Variants in TNFRSF10A observed in about 807,000 individuals in gnomAD.
The protein encoded by TNFRSF10A is TNF receptor superfamily member 10a, also known as tumor necrosis factor receptor superfamily member 10A.
In TNFRSF10A, 44 loss-of-function variants were observed where a neutral mutation model predicts 42.8. The observed-to-expected ratio is 1.03, with a 90% CI of 0.81 to 1.32. The LOEUF is 1.32. Among genes scored for constraint, TNFRSF10A ranks in the 40% most tolerant of loss-of-function variants. The pLI is 0.00. For missense variants in TNFRSF10A, 680 were observed against 602.0 expected, an observed-to-expected ratio of 1.13 and a Z score of -1.36; for synonymous variants, 259 against 234.2, an observed-to-expected ratio of 1.11 and a Z score of -0.97.
intron 1 of TNFRSF10A, among the ~76,000 whole-genome samples, chr8:23,220,548 G>A (rs1032575240): frequency 4.6e-5 from 7 of 152,194 alleles, no homozygotes; most frequent in Non-Finnish European, 1.0e-4. Context: ...ATCTGCAGCG[G>A]CCCTTTATAA....
At chr8:23,202,578 A>T in intron 3 of TNFRSF10A, 70 bp downstream of exon 3, 1 of 1,275,388 alleles carries the variant, frequency 7.8e-7, no homozygotes, top group Non-Finnish European at 1.1e-6. Context: ...TCCCTGACTC[A>T]CATTGGCTAC....
At chr8:23,207,383 G>A in intron 2 of TNFRSF10A, 2 of 560,672 alleles carry the variant, frequency 3.6e-6, no homozygotes, top group Non-Finnish European at 6.9e-6. Flanking sequence ...GAATCCAGCT[G>A]GCTAATTCTA....
Position 23,212,105 on chromosome 8 carries a change from T to C in TNFRSF10A, c.403+11A>G, listed in dbSNP as rs1563383720. The C allele has an allele frequency of 1.9e-6, 3 of 1,610,466 alleles. No homozygotes were observed. The East Asian group carries it at 6.7e-5, about 36-fold the overall frequency. ...AGGTGTAAAGGATTAGAGATCAGTC[T>C]TAGAATGTACCTGGTGGACACAACT... is the stretch of plus-strand genomic sequence containing the variant. On this transcript the variant is annotated intron_variant, in intron 2 of 9. Coordinates refer to ENST00000221132, the MANE Select transcript of TNFRSF10A (RefSeq NM_003844.4).
intron 1 of TNFRSF10A, among the ~76,000 whole-genome samples, chr8:23,218,726 G>A (rs1801217718): frequency 6.6e-6 from 1 of 152,156 alleles, no homozygotes; most frequent in African/African-American, 2.4e-5. Flanking sequence ...AAGGTCAGCA[G>A]AACCCAGTGA....
At position 23,218,508 on chromosome 8, in the gene TNFRSF10A, T is replaced by C. The variant is rs539564810; in HGVS notation, c.306+6248A>G. ...TTTTTATTTCTTTGTTCTTTTGGTA[T>C]AAAAAGACCCCTGGGTTAAGAAGCA... On this transcript the variant is annotated intron_variant, in intron 1 of 9. Transcript: ENST00000221132. Among the ~76,000 whole-genome samples the C allele has an allele frequency of 2.0e-3, 312 of 152,256 alleles. 3 individuals carry two copies. Among genetic ancestry groups the C allele is most frequent in the African/African-American group, 7.2e-3 (300 of 41,534 alleles).
At chr8:23,212,307 T>A (rs553728597) in intron 1 of TNFRSF10A, 95 bp from the exon 2 acceptor site, 2 of 1,048,042 alleles carry the variant, frequency 1.9e-6, no homozygotes, top group Admixed American at 3.6e-5. Flanking sequence ...CCTCCAAAAT[T>A]AGACAGAACT....
At chr8:23,215,033 T>A (rs533669381) in intron 1 of TNFRSF10A, among the ~76,000 whole-genome samples, 6 of 152,278 alleles carry the variant, frequency 3.9e-5, no homozygotes, top group Non-Finnish European at 8.8e-5. Context: ...TGTCTGATAT[T>A]GAGGATTGTA....
At chr8:23,199,212 C>CATGGCCTTCACCCCA in intron 8 of TNFRSF10A, 54 bp downstream of exon 8, 1 of 1,580,682 alleles carries the variant, frequency 6.3e-7, no homozygotes, top group Non-Finnish European at 8.6e-7. Context: ...AGAGCCGAGG[C>CATGGCCTTCACCCCA]ATGGCCTTCA....
rs775104824 is a variant in TNFRSF10A at position 23,191,646 on chromosome 8, G to A, written c.*48C>T. On this transcript the variant is annotated 3_prime_UTR_variant, in exon 10 of 10. Coordinates refer to ENST00000221132, the MANE Select transcript of TNFRSF10A (RefSeq NM_003844.4). The stretch of plus-strand genomic sequence containing the variant: ...GTTAAAAAAAAAAAAAACCTAATAT[G>A]TATTAACTCCTAACACCTAAGAGGA... The A allele has an allele frequency of 4.6e-6, 7 of 1,518,154 alleles. No individual in the cohort carries two copies. In the African/African-American group the frequency reaches 9.8e-5, roughly 21 times the overall value. 94.0% of individuals were successfully genotyped at this position (1,518,154 alleles called of 1,614,324 possible).
At chr8:23,200,003 C>T (rs1382725492) in intron 6 of TNFRSF10A, 86 bp from the exon 7 acceptor site, 4 of 1,360,070 alleles carry the variant, frequency 2.9e-6, no homozygotes, top group Non-Finnish European at 1.0e-6. Flanking sequence ...CAGGGGTGGG[C>T]TGGGGGCTGG....
intron 8 of TNFRSF10A, among the ~76,000 whole-genome samples, chr8:23,198,243 G>C (rs192971006): frequency 5.8e-4 from 89 of 152,154 alleles, no homozygotes; most frequent in Non-Finnish European, 1.1e-3. Context: ...GCTTTGCACT[G>C]AAACACAAAA....
chr8:23,192,380 G>C (rs1229333670), intron 9 of TNFRSF10A, among the ~76,000 whole-genome samples: 1 of 152,234 alleles, frequency 6.6e-6, no homozygotes, highest in Non-Finnish European at 1.5e-5. Flanking sequence ...GGCTGCCTGG[G>C]CTGCGCTTGT....
chr8:23,222,984 G>C (rs1801278147), intron 1 of TNFRSF10A, among the ~76,000 whole-genome samples: 1 of 152,198 alleles, frequency 6.6e-6, no homozygotes, highest in Non-Finnish European at 1.5e-5. Flanking sequence ...GGCAGATGCT[G>C]GTGGCATGCT....
chr8:23,197,403 G>A (rs907870898), intron 8 of TNFRSF10A, 199 bp from the exon 9 acceptor site: 97 of 602,692 alleles, frequency 1.6e-4, no homozygotes, highest in Non-Finnish European at 2.3e-4. Context: ...AGCTCCACCC[G>A]GTCAGATCAG....
At chr8:23,214,972 G>GA (rs1801155951) in intron 1 of TNFRSF10A, among the ~76,000 whole-genome samples, 1 of 152,198 alleles carries the variant, frequency 6.6e-6, no homozygotes, top group South Asian at 2.1e-4. Context: ...AAAGACAAGT[G>GA]AAAACCATTG....
At chr8:23,222,537 A>G (rs1171062107) in intron 1 of TNFRSF10A, among the ~76,000 whole-genome samples, 2 of 152,208 alleles carry the variant, frequency 1.3e-5, no homozygotes, top group South Asian at 2.1e-4. Context: ...AAAACATCCA[A>G]TGCGATTTGT....
intron 2 of TNFRSF10A, among the ~76,000 whole-genome samples, chr8:23,207,699 A>G (rs1675680482): frequency 6.6e-6 from 1 of 152,166 alleles, no homozygotes; most frequent in Non-Finnish European, 1.5e-5. Context: ...AGTAAGTCTC[A>G]TAAGATCTGA....
Position 23,224,847 on chromosome 8 carries a change from C to T in TNFRSF10A, c.215G>A (p.Arg72His), listed in dbSNP as rs776816522. Residue 72 changes from arginine to histidine, a missense_variant, in exon 1 of 10, where the codon CGC becomes CAC. Coordinates refer to ENST00000221132, the MANE Select transcript of TNFRSF10A (RefSeq NM_003844.4). Reference sequence around the variant, plus strand: ...CCGCGCCGGCCTGGGTCCTGGGGCGCGCCCTGCCCGGGCCCGGGCACTGGG... The same window carrying T: ...CCGCGCCGGCCTGGGTCCTGGGGCGTGCCCTGCCCGGGCCCGGGCACTGGG... The part of the protein sequence containing the change: ...HGPSARARAG[R>H]APGPRPAREA... 2 of 1,566,106 alleles carry T rather than the reference C, an allele frequency of 1.3e-6. No individual in the cohort carries two copies. Among genetic ancestry groups the T allele is most frequent in the South Asian group, 2.3e-5 (2 of 85,600 alleles).
At chr8:23,209,088 C>A (rs1226409746) in intron 2 of TNFRSF10A, among the ~76,000 whole-genome samples, 2 of 152,158 alleles carry the variant, frequency 1.3e-5, no homozygotes, top group African/African-American at 4.8e-5. Flanking sequence ...TAAAAGGGGC[C>A]AAGGTACAGC....
Sources: gnomAD v4.1 joint callset for allele counts (sites outside exome capture counted in the v4.1 genomes callset) on GRCh38, gnomAD v4.1.1 for gene constraint, MANE v1.5 for transcripts, NCBI Gene and HGNC (gene_info 2026-07-23, HGNC 2026-07-21) for gene names.